IFI16: variants seen among roughly 807,000 people sequenced by gnomAD.
IFI16 encodes the protein interferon gamma inducible protein 16.
In IFI16, 49 loss-of-function variants were observed where a neutral mutation model predicts 68.4. The ratio of observed to expected loss-of-function variants is 0.72; its 90% CI spans 0.57 to 0.91. The LOEUF (loss-of-function observed/expected upper bound fraction) is 0.91. IFI16 is among the 40% of genes least tolerant of loss of function. The pLI is 0.00. For missense variants in IFI16, 878 were observed against 942.9 expected (o/e 0.93, Z 0.90); for synonymous variants, 307 against 315.0 (o/e 0.97, Z 0.27).
intron 7 of IFI16, among the ~76,000 whole-genome samples, chr1:159,041,700 C>G (rs1654653569): frequency 6.6e-6 from 1 of 152,176 alleles, no homozygotes; most frequent in Non-Finnish European, 1.5e-5. Flanking sequence ...TCATCTGAAT[C>G]TTGACCATTT....
intron 4 of IFI16, among the ~76,000 whole-genome samples, 198 bp from the exon 5 acceptor site, chr1:159,018,031 C>A (rs1653045298): frequency 6.6e-6 from 1 of 152,192 alleles, no homozygotes. Flanking sequence ...ACTATATGGT[C>A]TCCTCTGTTA....
chr1:159,041,716 T>G (rs1622504), intron 7 of IFI16, among the ~76,000 whole-genome samples: 2 of 152,276 alleles, frequency 1.3e-5, no homozygotes, highest in South Asian at 4.1e-4. Context: ...CATTTCAGAC[T>G]GAAGACTATA....
At chr1:159,016,800 T>G in intron 4 of IFI16, 100 bp downstream of exon 4, 1 of 1,046,974 alleles carries the variant, frequency 9.6e-7, no homozygotes, top group South Asian at 1.5e-5. Flanking sequence ...ATTTGCTAGT[T>G]AATCCAATGT....
chr1:159,035,842 C>T (rs1038220399), intron 7 of IFI16, among the ~76,000 whole-genome samples: 1 of 149,682 alleles, frequency 6.7e-6, no homozygotes, highest in Non-Finnish European at 1.5e-5. Context: ...GATAATTGCT[C>T]TAAGAAAAAA....
At chr1:159,006,422 C>A (rs935859478), upstream of IFI16, among the ~76,000 whole-genome samples, 2 of 152,120 alleles carry the variant, frequency 1.3e-5, no homozygotes, top group Non-Finnish European at 2.9e-5. Flanking sequence ...ATGCCGGACA[C>A]GAACTCAAGG....
At chr1:159,032,383 G>T in intron 6 of IFI16, 141 bp from the exon 7 acceptor site, 1 of 467,098 alleles carries the variant, frequency 2.1e-6, no homozygotes, top group Non-Finnish European at 3.6e-6. Context: ...CAATTGCCTG[G>T]AGGGATACAT....
chr1:159,026,734 A>G (rs56235865), intron 6 of IFI16, among the ~76,000 whole-genome samples: 45,376 of 151,984 alleles, frequency 0.3, 9,458 homozygotes, highest in African/African-American at 0.59. Flanking sequence ...CCTTGGTTAG[A>G]TATATTCCTA....
intron 1 of IFI16, among the ~76,000 whole-genome samples, chr1:159,000,940 A>G (rs1010233220): frequency 6.6e-6 from 1 of 152,322 alleles, no homozygotes; most frequent in African/African-American, 2.4e-5. Flanking sequence ...CCAGTAACCC[A>G]TTAGAAGAAA....
chr1:159,017,354 CT>C (rs1215068007), intron 4 of IFI16, among the ~76,000 whole-genome samples: 1 of 152,142 alleles, frequency 6.6e-6, no homozygotes, highest in African/African-American at 2.4e-5. Context: ...CAAACTGAAT[CT>C]TGGGTAGGAA....
At chr1:159,006,623 A>T (rs980168114), upstream of IFI16, among the ~76,000 whole-genome samples, 1 of 151,272 alleles carries the variant, frequency 6.6e-6, no homozygotes, top group Non-Finnish European at 1.5e-5. Context: ...AGTTTGTCCG[A>T]CCTTCCCAGC....
chr1:159,011,734 G>A (rs1652580236), intron 1 of IFI16, among the ~76,000 whole-genome samples: 1 of 151,938 alleles, frequency 6.6e-6, no homozygotes, highest in South Asian at 2.1e-4. Flanking sequence ...AGATAAACTG[G>A]CTTTCTTTAG....
chr1:159,012,155 G>A (rs1487036549), intron 1 of IFI16, among the ~76,000 whole-genome samples: 1 of 151,980 alleles, frequency 6.6e-6, no homozygotes, highest in Non-Finnish European at 1.5e-5. Context: ...TTTTCTTGTG[G>A]TATGAGTCTT....
rs540540787 is a variant in IFI16 at position 159,045,878 on chromosome 1, ATAAT to A, written c.1497+420_1497+423del. Among the ~76,000 whole-genome samples the A allele has an allele frequency of 4.0e-5, 6 of 151,336 alleles. 1 individual carries two copies. The highest frequency in any genetic ancestry group is 9.7e-5 in the African/African-American group (4 of 41,414). On this transcript the variant is annotated intron_variant, in intron 8 of 11. Transcript: ENST00000295809. ...AGGAAAAGAAGGTACATAAGCAAAAATAATTAATTTTTAACTATCAGAAATCTTT... is the reference window on the plus strand; with the variant it reads ...AGGAAAAGAAGGTACATAAGCAAAAATAATTTTTAACTATCAGAAATCTTT...
At chr1:159,019,236 A>T (rs115547330) in intron 5 of IFI16, among the ~76,000 whole-genome samples, 2,045 of 148,746 alleles carry the variant, frequency 0.014, 54 homozygotes, top group African/African-American at 0.05. Context: ...CAGGTAATCT[A>T]AATTTGTCAT....
rs1197882052 is a variant in IFI16, at chr1:159,018,347, T to C, written c.668T>C (p.Met223Thr). The C allele has an allele frequency of 3.7e-6, 6 of 1,613,992 alleles. No homozygotes were observed. The East Asian group carries it at 8.9e-5, about 24-fold the overall frequency. The part of the protein sequence containing the change: ...TKPFEYETPE[M>T]EKKIMFHATV... ...CCATTTGAATATGAGACCCCAGAAA[T>C]GGAGAAAAAAATAATGTTTCATGCT... is the stretch of plus-strand genomic sequence containing the variant. Residue 223 changes from methionine (M) to threonine (T), a missense_variant, in exon 5 of 12, where the codon ATG becomes ACG. By Grantham distance (81) the Met-to-Thr change is moderately conservative (BLOSUM62 -1). Around this residue, in one of 4 missense-constraint regions of IFI16, gnomAD observed 443 missense variants for 421.8 expected, o/e 1.05. Coordinates refer to ENST00000295809, the MANE Select transcript of IFI16 (RefSeq NM_001376587.1).
intron 6 of IFI16, among the ~76,000 whole-genome samples, chr1:159,023,559 T>C (rs1653469243): frequency 6.6e-6 from 1 of 152,228 alleles, no homozygotes; most frequent in South Asian, 2.1e-4. Context: ...TTAATAGCAT[T>C]TATGTAAACC....
intron 9 of IFI16, among the ~76,000 whole-genome samples, chr1:159,051,419 GTTAA>G (rs576631043): frequency 2.0e-5 from 3 of 152,118 alleles, no homozygotes; most frequent in Admixed American, 2.0e-4. Context: ...TTCTTTATGG[GTTAA>G]TTCTCATTAA....
intron 1 of IFI16, among the ~76,000 whole-genome samples, chr1:159,012,984 A>G (rs1447965237): frequency 2.0e-5 from 3 of 152,126 alleles, no homozygotes; most frequent in African/African-American, 2.4e-5. Flanking sequence ...ATAGAGATTC[A>G]CTTTCAATTT....
intron 8 of IFI16, 123 bp downstream of exon 8, chr1:159,045,587 T>C (rs953814129): frequency 1.0e-6 from 1 of 953,566 alleles, no homozygotes; most frequent in Non-Finnish European, 1.6e-6. Context: ...ACCAAATCAG[T>C]CATTTATTTA....
Sources: allele counts gnomAD v4.1 joint callset (sites outside exome capture counted in the v4.1 genomes callset), GRCh38; gene constraint gnomAD v4.1.1; regional missense constraint gnomAD v4.1.1; transcripts MANE v1.5; gene names NCBI Gene and HGNC (gene_info 2026-07-23, HGNC 2026-07-21).